KIAA1217: variants seen among roughly 807,000 people sequenced by gnomAD.
The protein encoded by KIAA1217 is sickle tail protein homolog.
A neutral mutation model predicts 163.9 loss-of-function variants in KIAA1217; 88 were observed. That is an observed-to-expected ratio of 0.54 (90% CI 0.45 to 0.64). The LOEUF is 0.64. KIAA1217 is among the 30% of genes least tolerant of loss of function. The pLI, the probability that KIAA1217 is intolerant of heterozygous loss-of-function variation, is 0.00. For synonymous variants in KIAA1217, 903 were observed against 923.1 expected (o/e 0.98, Z 0.39); for missense variants, 2,372 against 2,475.0 (o/e 0.96, Z 0.88).
intron 1 of KIAA1217, among the ~76,000 whole-genome samples, chr10:24,212,721 A>G (rs1008723118): frequency 6.6e-6 from 1 of 152,180 alleles, no homozygotes; most frequent in South Asian, 2.1e-4. Context: ...GTTCATTTCT[A>G]TCATTGCATT....
intron 14 of KIAA1217, among the ~76,000 whole-genome samples, chr10:24,528,379 T>C (rs962264089): frequency 7.3e-5 from 11 of 150,936 alleles, no homozygotes; most frequent in African/African-American, 2.4e-4. Flanking sequence ...TGGAGTGTAG[T>C]GGTATGATCT....
intron 2 of KIAA1217, among the ~76,000 whole-genome samples, chr10:24,034,179 T>A (rs1848298841): frequency 2.0e-5 from 3 of 152,218 alleles, no homozygotes; most frequent in Admixed American, 2.0e-4. Flanking sequence ...AACACCTTTT[T>A]CAAAGTGATT....
intron 2 of KIAA1217, among the ~76,000 whole-genome samples, chr10:24,138,498 T>G (rs1429153658): frequency 6.6e-6 from 1 of 152,216 alleles, no homozygotes; most frequent in East Asian, 1.9e-4. Flanking sequence ...ATTAGACTTT[T>G]TTCATTAGAT....
chr10:24,155,982 T>A (rs1474755252), intron 2 of KIAA1217, among the ~76,000 whole-genome samples: 1 of 152,156 alleles, frequency 6.6e-6, no homozygotes, highest in Non-Finnish European at 1.5e-5. Flanking sequence ...TTAAATAGCT[T>A]ATTTGAAGTA....
intron 1 of KIAA1217, among the ~76,000 whole-genome samples, chr10:23,921,699 C>A (rs117125091): frequency 6.6e-6 from 1 of 152,000 alleles, no homozygotes; most frequent in African/African-American, 2.4e-5. Context: ...AGCAGGTGCA[C>A]CCCCCTGGCT....
chr10:24,376,592 G>T (rs143797329), intron 2 of KIAA1217, among the ~76,000 whole-genome samples: 2 of 152,074 alleles, frequency 1.3e-5, no homozygotes, highest in East Asian at 1.9e-4. Flanking sequence ...GTGAGACCTC[G>T]TCTACTACAA....
chr10:23,890,213 A>G (rs1427547543), intron 1 of KIAA1217, among the ~76,000 whole-genome samples: 1 of 151,440 alleles, frequency 6.6e-6, no homozygotes, highest in African/African-American at 2.4e-5. Flanking sequence ...TTATTTGTTA[A>G]TTCTCTATTT....
chr10:24,544,088 A>G lies in KIAA1217; in HGVS notation c.4818A>G (p.Glu1606=). 6.2e-7 allele frequency: 1 copy of G among 1,614,178 alleles called. No homozygotes were observed. Among genetic ancestry groups the G allele is most frequent in the Non-Finnish European group, 8.5e-7 (1 of 1,180,040 alleles). ...GKKTLQVVVY[E]EEEEDGTLKQ... ...AGACTTTGCAAGTGGTAGTCTATGA[A>G]GAAGAGGAAGAGGATGGCACCCTGA... Residue 1606 remains glutamate (E), a synonymous_variant, in exon 19 of 21, where the codon GAA becomes GAG. Transcript: ENST00000376454.
chr10:23,957,698 G>C (rs1433881730), intron 1 of KIAA1217, among the ~76,000 whole-genome samples: 1 of 152,048 alleles, frequency 6.6e-6, no homozygotes, highest in African/African-American at 2.4e-5. Flanking sequence ...CTCCAGTCTG[G>C]GTAACATACT....
chr10:23,788,572 C>T (rs1835600376), intron 1 of KIAA1217, among the ~76,000 whole-genome samples: 1 of 152,194 alleles, frequency 6.6e-6, no homozygotes, highest in Non-Finnish European at 1.5e-5. Flanking sequence ...CTTCCCTCTG[C>T]CCCCATATGG....
In KIAA1217 at chr10:24,039,819, GATATA is replaced by G. The variant is rs1397264244; in HGVS notation, c.-171+32446_-171+32450del. Among the ~76,000 whole-genome samples the G allele has an allele frequency of 1.7e-4, 26 of 151,420 alleles. No individual in the cohort carries two copies. In the Middle Eastern group the frequency reaches 0.02, roughly 119 times the overall value. ...ATAGATAGATATAGATATAGATATA[GATATA>G]GATATAGATATAGATATAGATATAA... is the stretch of plus-strand genomic sequence containing the variant. On this transcript the variant is annotated intron_variant, in intron 2 of 18. Transcript: ENST00000376462.
intron 1 of KIAA1217, among the ~76,000 whole-genome samples, chr10:23,849,382 G>A (rs1839194935): frequency 6.6e-6 from 1 of 152,002 alleles, no homozygotes; most frequent in East Asian, 1.9e-4. Flanking sequence ...AAAGTTCTTT[G>A]CTTATCCTCT....
At chr10:23,934,448 C>T (rs761925024) in intron 1 of KIAA1217, among the ~76,000 whole-genome samples, 15 of 148,648 alleles carry the variant, frequency 1.0e-4, no homozygotes, top group African/African-American at 1.7e-4. Context: ...CCATGGCACA[C>T]GTATACCTAT....
At chr10:24,536,653 C>G in intron 16 of KIAA1217, 121 bp from the exon 17 acceptor site, 1 of 999,466 alleles carries the variant, frequency 1.0e-6, no homozygotes, top group Non-Finnish European at 1.5e-6. Context: ...GCCTCCCTGG[C>G]CTAAACCTGC....
At chr10:23,792,244 G>T (rs570271527) in intron 1 of KIAA1217, among the ~76,000 whole-genome samples, 1 of 152,154 alleles carries the variant, frequency 6.6e-6, no homozygotes, top group African/African-American at 2.4e-5. Flanking sequence ...GAATGTTCAC[G>T]TGTAAATCAT....
intron 14 of KIAA1217, among the ~76,000 whole-genome samples, chr10:24,530,997 C>T (rs2135025933): frequency 6.6e-6 from 1 of 151,674 alleles, no homozygotes; most frequent in African/African-American, 2.4e-5. Context: ...GAGTTCAAGA[C>T]CAGCCTGTGC....
chr10:23,923,318 T>C (rs1327603612), intron 1 of KIAA1217, among the ~76,000 whole-genome samples: 5 of 152,198 alleles, frequency 3.3e-5, no homozygotes, highest in African/African-American at 9.6e-5. Context: ...TGTGTACAAG[T>C]GTCCCAAGAA....
intron 2 of KIAA1217, among the ~76,000 whole-genome samples, chr10:24,333,668 C>T (rs1347942081): frequency 6.6e-6 from 1 of 152,130 alleles, no homozygotes; most frequent in African/African-American, 2.4e-5. Flanking sequence ...GGCTGGCCTA[C>T]AAGGTCAAGT....
intron 1 of KIAA1217, among the ~76,000 whole-genome samples, chr10:23,980,343 A>G (rs1229435103): frequency 1.3e-5 from 2 of 152,130 alleles, no homozygotes; most frequent in African/African-American, 4.8e-5. Context: ...TGTTTTTCTG[A>G]GGTCTCAAGT....
Sources: gnomAD v4.1 joint callset for allele counts (sites outside exome capture counted in the v4.1 genomes callset) on GRCh38, gnomAD v4.1.1 for gene constraint, MANE v1.5 for transcripts, NCBI Gene and HGNC (gene_info 2026-07-23, HGNC 2026-07-21) for gene names.